FOXP1: variants seen among roughly 807,000 people sequenced by gnomAD.
The protein encoded by FOXP1 is forkhead box protein P1.
In FOXP1, 15 loss-of-function variants were observed where a neutral mutation model predicts 98.2. That is an observed-to-expected ratio of 0.15 (90% confidence interval 0.10 to 0.24). The LOEUF is 0.24. Among genes scored for constraint, FOXP1 ranks in the 10% least tolerant of loss-of-function variants. The pLI is 1.00. For synonymous variants in FOXP1, 371 were observed against 314.5 expected (o/e 1.18, Z -1.90); for missense variants, 633 against 848.5 (o/e 0.75, Z 3.15).
chr3:71,052,009 C>T (rs76976872), intron 9 of FOXP1, among the ~76,000 whole-genome samples: 7,746 of 152,238 alleles, frequency 0.051, 269 homozygotes, highest in Non-Finnish European at 0.075. Context: ...TGGCACATGC[C>T]TTTAGCAATT....
At chr3:71,104,513 C>T (rs1315331599) in intron 7 of FOXP1, among the ~76,000 whole-genome samples, 1 of 152,140 alleles carries the variant, frequency 6.6e-6, no homozygotes, top group African/African-American at 2.4e-5. Flanking sequence ...TCTTTTGCCA[C>T]ACTTAGTCCT....
chr3:71,539,806 G>A (rs1236423171), intron 2 of FOXP1, among the ~76,000 whole-genome samples: 1 of 152,176 alleles, frequency 6.6e-6, no homozygotes, highest in Non-Finnish European at 1.5e-5. Context: ...ATCAGTAGAT[G>A]TACAAGAAAC....
chr3:71,540,833 T>TAATATGGTGGTG (rs2044748370), intron 2 of FOXP1, among the ~76,000 whole-genome samples: 1 of 152,354 alleles, frequency 6.6e-6, no homozygotes, highest in South Asian at 2.1e-4. Context: ...TCCAGTGCCC[T>TAATATGGTGGTG]AATATGGTGG....
chr3:71,009,668 TA>T (rs1333834637), intron 12 of FOXP1, among the ~76,000 whole-genome samples: 26 of 152,152 alleles, frequency 1.7e-4, no homozygotes, highest in Non-Finnish European at 1.2e-4. Context: ...TATATCTAAG[TA>T]GGTTAAGAAG....
chr3:71,260,021 T>C (rs1445989129), intron 5 of FOXP1, among the ~76,000 whole-genome samples: 4 of 152,134 alleles, frequency 2.6e-5, no homozygotes, highest in Non-Finnish European at 5.9e-5. Flanking sequence ...TCTCGCTCTC[T>C]CCCCCAGGCT....
At position 71,561,899 on chromosome 3, in the gene FOXP1, A is replaced by G. The variant is rs568213496; in HGVS notation, c.-298+19650T>C. Among the ~76,000 whole-genome samples the G allele has an allele frequency of 5.9e-5, 9 of 152,352 alleles. No homozygotes were observed. In the South Asian group the frequency reaches 1.9e-3, roughly 32 times the overall value. ...CTCTTGGGGGATATGGAAAGAAAGA[A>G]AGAAAATGCAAGTAAGTATAGCAAA... is the stretch of plus-strand genomic sequence containing the variant. On this transcript the variant is annotated intron_variant, in intron 2 of 20. Coordinates refer to ENST00000649528, the MANE Select transcript of FOXP1 (RefSeq NM_001349338.3).
At chr3:71,082,654 C>A (rs60334862) in intron 7 of FOXP1, among the ~76,000 whole-genome samples, 2,406 of 143,886 alleles carry the variant, frequency 0.017, 70 homozygotes, top group African/African-American at 0.057. Context: ...ACAACAACAA[C>A]AAAAAAAAAA....
At chr3:71,451,764 G>A (rs921781867) in intron 3 of FOXP1, among the ~76,000 whole-genome samples, 3 of 152,096 alleles carry the variant, frequency 2.0e-5, no homozygotes, top group Admixed American at 6.5e-5. Flanking sequence ...ATTTTTAAGC[G>A]AAATGAAAAA....
intron 5 of FOXP1, among the ~76,000 whole-genome samples, chr3:71,239,638 A>C (rs1047228355): frequency 6.6e-6 from 1 of 152,236 alleles, no homozygotes; most frequent in Non-Finnish European, 1.5e-5. Context: ...GCCATAGTAC[A>C]AGTATTTCTA....
At chr3:71,267,020 C>G (rs2069741792) in intron 5 of FOXP1, among the ~76,000 whole-genome samples, 1 of 152,050 alleles carries the variant, frequency 6.6e-6, no homozygotes, top group African/African-American at 2.4e-5. Flanking sequence ...AGAACTTGAA[C>G]CTGCAGATCC....
chr3:71,082,699 T>C (rs1449996308), intron 7 of FOXP1, among the ~76,000 whole-genome samples: 1 of 152,134 alleles, frequency 6.6e-6, no homozygotes, highest in East Asian at 1.9e-4. Context: ...TATAAACTTT[T>C]TACAGTAACA....
At chr3:71,356,737 T>C (rs1218934626) in intron 4 of FOXP1, among the ~76,000 whole-genome samples, 1 of 152,158 alleles carries the variant, frequency 6.6e-6, no homozygotes, top group Non-Finnish European at 1.5e-5. Flanking sequence ...CCAATCTAAC[T>C]TCAAAGCAGA....
intron 5 of FOXP1, among the ~76,000 whole-genome samples, chr3:71,208,306 T>A (rs1404982930): frequency 6.6e-6 from 1 of 152,202 alleles, no homozygotes; most frequent in Non-Finnish European, 1.5e-5. Flanking sequence ...GATGCTCTAT[T>A]ACTGAGCTAG....
intron 4 of FOXP1, among the ~76,000 whole-genome samples, chr3:71,346,311 AT>A (rs2077356980): frequency 6.6e-6 from 1 of 152,196 alleles, no homozygotes; most frequent in South Asian, 2.1e-4. Context: ...TGGAGCCATG[AT>A]ATATAAAGTA....
At chr3:71,243,761 G>A (rs1236943725) in intron 5 of FOXP1, among the ~76,000 whole-genome samples, 1 of 152,104 alleles carries the variant, frequency 6.6e-6, no homozygotes, top group Non-Finnish European at 1.5e-5. Flanking sequence ...CAATTATGAA[G>A]CTGCACCACT....
At chr3:71,318,518 A>T (rs550615341) in intron 4 of FOXP1, among the ~76,000 whole-genome samples, 2 of 152,330 alleles carry the variant, frequency 1.3e-5, no homozygotes, top group African/African-American at 4.8e-5. Flanking sequence ...TACACACTTA[A>T]CACTTGAGTT....
intron 14 of FOXP1, among the ~76,000 whole-genome samples, chr3:70,983,052 C>T (rs534773108): frequency 6.6e-6 from 1 of 152,358 alleles, no homozygotes; most frequent in East Asian, 1.9e-4. Flanking sequence ...GCATGAATCA[C>T]TGAGTTCAGA....
intron 2 of FOXP1, chr3:71,567,938 T>C (rs1346399586): frequency 6.9e-6 from 1 of 144,842 alleles, no homozygotes; most frequent in Non-Finnish European, 1.5e-5. Flanking sequence ...AATGGTAAAA[T>C]CCTGGGAGAA....
intron 11 of FOXP1, among the ~76,000 whole-genome samples, chr3:71,038,507 G>C (rs1001371174): frequency 6.6e-6 from 1 of 152,210 alleles, no homozygotes; most frequent in African/African-American, 2.4e-5. Context: ...TGGCACATCA[G>C]TGTACAGTGA....
Sources: allele counts gnomAD v4.1 joint callset (sites outside exome capture counted in the v4.1 genomes callset), GRCh38; gene constraint gnomAD v4.1.1; transcripts MANE v1.5; gene names NCBI Gene and HGNC (gene_info 2026-07-23, HGNC 2026-07-21).